STOX2: variants seen among roughly 807,000 people sequenced by gnomAD.
STOX2 encodes the protein storkhead box 2, also known as storkhead-box protein 2.
Under a neutral mutation model 60.9 loss-of-function variants are expected in STOX2, and 28 were observed. The ratio of observed to expected loss-of-function variants is 0.46; its 90% CI spans 0.34 to 0.63. STOX2 has a LOEUF of 0.63. STOX2 is among the 30% of genes least tolerant of loss of function. The pLI, the probability that STOX2 is intolerant of heterozygous loss-of-function variation, is 0.01. For missense variants in STOX2, 1,024 were observed against 1,187.7 expected, an observed-to-expected ratio of 0.86 and a Z score of 2.03; for synonymous variants, 472 against 463.9, an observed-to-expected ratio of 1.02 and a Z score of -0.22.
chr4:183,889,401 G>A (rs1036437387), intron 1 of STOX2, among the ~76,000 whole-genome samples: 1 of 152,118 alleles, frequency 6.6e-6, no homozygotes, highest in African/African-American at 2.4e-5. Context: ...CAGGGCATGG[G>A]GCAGGCTCTT....
At chr4:183,931,871 C>T (rs981766981) in intron 1 of STOX2, among the ~76,000 whole-genome samples, 1 of 152,160 alleles carries the variant, frequency 6.6e-6, no homozygotes, top group Admixed American at 6.5e-5. Context: ...AAATGAGAAA[C>T]TGTAGAGAGT....
chr4:183,816,659 A>T (rs1478434849), intron 1 of STOX2, among the ~76,000 whole-genome samples: 1 of 152,202 alleles, frequency 6.6e-6, no homozygotes, highest in Non-Finnish European at 1.5e-5. Flanking sequence ...TAAAAAAAAA[A>T]TTCAAAAAAA....
intron 1 of STOX2, among the ~76,000 whole-genome samples, chr4:183,941,024 T>C (rs1483515280): frequency 6.6e-6 from 1 of 152,220 alleles, no homozygotes. Context: ...CCGACCACTT[T>C]TTATGAAACA....
intron 1 of STOX2, among the ~76,000 whole-genome samples, chr4:183,857,215 A>G (rs1560848838): frequency 6.7e-6 from 1 of 149,774 alleles, no homozygotes; most frequent in African/African-American, 2.5e-5. Context: ...TCATCATCCC[A>G]CAGGACTGGT....
intron 1 of STOX2, among the ~76,000 whole-genome samples, chr4:183,874,955 ATATATATATATATAT>A (rs1740791283): frequency 2.7e-4 from 8 of 30,170 alleles, no homozygotes; most frequent in Admixed American, 9.3e-4. Flanking sequence ...AAAAAAAAAT[ATATATATATATATAT>A]ATATATATAT....
At chr4:183,820,849 C>T (rs2111110360) in intron 1 of STOX2, among the ~76,000 whole-genome samples, 1 of 152,136 alleles carries the variant, frequency 6.6e-6, no homozygotes, top group South Asian at 2.1e-4. Context: ...GTGGTTAACT[C>T]CTATAGTCCC....
At chr4:183,903,342 G>A (rs1419622345), upstream of STOX2, among the ~76,000 whole-genome samples, 1 of 152,102 alleles carries the variant, frequency 6.6e-6, no homozygotes. Flanking sequence ...TGCACAGACT[G>A]TTCCCCCTTT....
intron 1 of STOX2, among the ~76,000 whole-genome samples, chr4:183,973,333 A>G (rs147190722): frequency 1.6e-4 from 24 of 152,338 alleles, no homozygotes; most frequent in Non-Finnish European, 3.1e-4. Flanking sequence ...GAAAAATGCT[A>G]CATAACATAT....
chr4:183,894,174 T>A (rs1471007423), intron 1 of STOX2, among the ~76,000 whole-genome samples: 2 of 152,106 alleles, frequency 1.3e-5, no homozygotes, highest in Non-Finnish European at 2.9e-5. Flanking sequence ...AAATTAAAAA[T>A]ATTAAAAATA....
intron 1 of STOX2, among the ~76,000 whole-genome samples, chr4:183,826,914 G>A (rs974076913): frequency 3.3e-5 from 5 of 152,162 alleles, no homozygotes; most frequent in Admixed American, 6.5e-5. Flanking sequence ...TAGTAGTAGC[G>A]GTAATGGTAA....
chr4:183,887,574 C>T (rs1255893436), intron 1 of STOX2, among the ~76,000 whole-genome samples: 4 of 152,276 alleles, frequency 2.6e-5, no homozygotes, highest in Admixed American at 1.3e-4. Flanking sequence ...CCTGCATGCA[C>T]GCTCTTATTT....
chr4:183,813,456 A>G (rs1444649558), intron 1 of STOX2, among the ~76,000 whole-genome samples: 1 of 152,222 alleles, frequency 6.6e-6, no homozygotes, highest in Non-Finnish European at 1.5e-5. Context: ...TGGGTAAGCT[A>G]GAGATGATTT....
intron 1 of STOX2, among the ~76,000 whole-genome samples, chr4:183,947,035 T>C (rs1742912604): frequency 6.6e-6 from 1 of 151,998 alleles, no homozygotes; most frequent in Non-Finnish European, 1.5e-5. Flanking sequence ...ACCACACCAC[T>C]TTACATCAAA....
At chr4:183,839,715 A>C (rs924924994) in intron 1 of STOX2, among the ~76,000 whole-genome samples, 1 of 152,194 alleles carries the variant, frequency 6.6e-6, no homozygotes, top group African/African-American at 2.4e-5. Flanking sequence ...GGACATTCTG[A>C]TAATTTCTAT....
At chr4:183,923,313 A>G (rs1233597422) in intron 1 of STOX2, among the ~76,000 whole-genome samples, 1 of 152,224 alleles carries the variant, frequency 6.6e-6, no homozygotes, top group African/African-American at 2.4e-5. Context: ...TTTCCTTGAT[A>G]GTAGCCATCC....
intron 1 of STOX2, among the ~76,000 whole-genome samples, chr4:183,986,207 C>T (rs1384164573): frequency 2.0e-5 from 3 of 152,160 alleles, no homozygotes; most frequent in Non-Finnish European, 4.4e-5. Context: ...TTTCTAATAT[C>T]CAAACATGTA....
At chr4:183,805,873 C>T (rs1738878282) in intron 1 of STOX2, among the ~76,000 whole-genome samples, 1 of 152,218 alleles carries the variant, frequency 6.6e-6, no homozygotes, top group African/African-American at 2.4e-5. Context: ...GCTTAAACAG[C>T]TCTTGATAGC....
At chr4:183,873,628 T>C (rs987566211) in intron 1 of STOX2, among the ~76,000 whole-genome samples, 24 of 152,176 alleles carry the variant, frequency 1.6e-4, no homozygotes, top group African/African-American at 5.3e-4. Flanking sequence ...TATTGTGGGA[T>C]AGTAATGCCT....
chr4:183,858,367 C>A (rs1383132742), intron 1 of STOX2, among the ~76,000 whole-genome samples: 1 of 152,232 alleles, frequency 6.6e-6, no homozygotes, highest in Non-Finnish European at 1.5e-5. Flanking sequence ...CCCTTCAGAT[C>A]CTTACCCAGT....
Sources: gnomAD v4.1 joint callset for allele counts (sites outside exome capture counted in the v4.1 genomes callset) on GRCh38, gnomAD v4.1.1 for gene constraint, MANE v1.5 for transcripts, NCBI Gene and HGNC (gene_info 2026-07-23, HGNC 2026-07-21) for gene names.